The following RASAL2 variants were observed in gnomAD, a reference collection of about 807,000 sequenced individuals.
RASAL2 encodes the protein RAS protein activator like 2.
RASAL2 carries 58 observed loss-of-function variants against 128.9 expected under a neutral mutation model. The observed-to-expected ratio is 0.45, with a 90% CI of 0.36 to 0.56. RASAL2 has a LOEUF of 0.56. RASAL2 is among the 20% of genes least tolerant of loss of function. The pLI is 0.00. For synonymous variants in RASAL2, 561 were observed against 580.8 expected, an observed-to-expected ratio of 0.97 and a Z score of 0.49; for missense variants, 1,360 against 1,601.6, an observed-to-expected ratio of 0.85 and a Z score of 2.57.
At chr1:178,386,689 A>G (rs1391896289) in intron 3 of RASAL2, among the ~76,000 whole-genome samples, 1 of 152,190 alleles carries the variant, frequency 6.6e-6, no homozygotes, top group East Asian at 1.9e-4. Flanking sequence ...CTGAAACAAT[A>G]CTGTATCTCT....
chr1:178,396,635 G>T (rs1046781364), intron 4 of RASAL2, among the ~76,000 whole-genome samples: 2 of 151,880 alleles, frequency 1.3e-5, no homozygotes, highest in Non-Finnish European at 2.9e-5. Context: ...TAATACCCTT[G>T]GTGTGCCTTT....
chr1:178,465,492 A>T (rs1647579137), intron 15 of RASAL2, among the ~76,000 whole-genome samples: 2 of 152,184 alleles, frequency 1.3e-5, no homozygotes, highest in Non-Finnish European at 2.9e-5. Context: ...TCTTATAGAC[A>T]ACTGACTTTT....
chr1:178,248,557 A>G (rs1046228677), intron 1 of RASAL2, among the ~76,000 whole-genome samples: 1 of 152,144 alleles, frequency 6.6e-6, no homozygotes, highest in Admixed American at 6.5e-5. Flanking sequence ...TAAGGTTAAT[A>G]TCGTTAGTAT....
intron 3 of RASAL2, among the ~76,000 whole-genome samples, chr1:178,351,231 A>G (rs142339126): frequency 1.3e-3 from 205 of 152,326 alleles, no homozygotes; most frequent in African/African-American, 4.7e-3. Flanking sequence ...GGGCAGGGAT[A>G]CAGATCCAAA....
chr1:178,225,138 G>C (rs1663742069), intron 1 of RASAL2, among the ~76,000 whole-genome samples: 1 of 151,998 alleles, frequency 6.6e-6, no homozygotes, highest in South Asian at 2.1e-4. Context: ...GAGAGACTTA[G>C]TGAAGTTGGT....
intron 1 of RASAL2, among the ~76,000 whole-genome samples, chr1:178,126,890 A>C (rs1180858525): frequency 1.3e-5 from 2 of 152,190 alleles, no homozygotes; most frequent in Admixed American, 6.5e-5. Context: ...CTGCTGCCTC[A>C]TGACTTCTCT....
Position 178,240,911 on chromosome 1 carries a change from ATTATT to A in RASAL2, c.203-42646_203-42642del, listed in dbSNP as rs1221974594. Among the ~76,000 whole-genome samples, 5 of 151,254 alleles carry A rather than the reference ATTATT, an allele frequency of 3.3e-5. No individual in the cohort carries two copies. In the South Asian group the frequency reaches 1.0e-3, roughly 31 times the overall value. On this transcript the variant is annotated intron_variant, in intron 1 of 17. Coordinates refer to ENST00000367649, the MANE Select transcript of RASAL2 (RefSeq NM_170692.4). Reference sequence around the variant, plus strand: ...AAGGTTCCTTTTTATTTCTATTATAATTATTTTATTTATACATATTTTTATTTTTA... The same window carrying A: ...AAGGTTCCTTTTTATTTCTATTATAATTATTTATACATATTTTTATTTTTA...
At chr1:178,152,384 T>C (rs1660942341) in intron 1 of RASAL2, among the ~76,000 whole-genome samples, 1 of 152,182 alleles carries the variant, frequency 6.6e-6, no homozygotes, top group Non-Finnish European at 1.5e-5. Context: ...ATCGTAAATA[T>C]AAGTACAGTG....
intron 3 of RASAL2, among the ~76,000 whole-genome samples, chr1:178,306,332 A>G (rs1667988149): frequency 6.6e-6 from 1 of 152,078 alleles, no homozygotes; most frequent in Non-Finnish European, 1.5e-5. Context: ...AGTCTTTGCT[A>G]TTGTGAATAG....
At position 178,442,987 on chromosome 1, in the gene RASAL2, T is replaced by C; in HGVS notation, c.1240T>C (p.Trp414Arg). 6.2e-7 allele frequency: 1 copy of C among 1,614,052 alleles called. No individual in the cohort carries two copies. Among genetic ancestry groups the C allele is most frequent in the Non-Finnish European group, 8.5e-7 (1 of 1,179,960 alleles). Residue 414 changes from tryptophan (W) to arginine (R), a missense_variant, in exon 8 of 18, where the codon TGG becomes CGG. Coordinates refer to ENST00000367649, the MANE Select transcript of RASAL2 (RefSeq NM_170692.4). ...GACTGGTCGCCAATTTGTAGAAAAGTGGTATCCAGTGAGTACACCTACACC... is the reference window on the plus strand; with the variant it reads ...GACTGGTCGCCAATTTGTAGAAAAGCGGTATCCAGTGAGTACACCTACACC... The part of the protein sequence containing the change: ...SVTGRQFVEK[W>R]YPVSTPTPNK...
At chr1:178,468,916 A>G (rs1250435117) in intron 17 of RASAL2, among the ~76,000 whole-genome samples, 1 of 152,232 alleles carries the variant, frequency 6.6e-6, no homozygotes, top group Non-Finnish European at 1.5e-5. Context: ...AATATAAAGC[A>G]AGAAGAGTTC....
At chr1:178,308,947 A>G (rs1043199959) in intron 3 of RASAL2, among the ~76,000 whole-genome samples, 2 of 152,176 alleles carry the variant, frequency 1.3e-5, no homozygotes, top group African/African-American at 4.8e-5. Flanking sequence ...TGGTAATAGC[A>G]TTGGTAGACA....
chr1:178,356,799 T>C (rs1022750431), intron 3 of RASAL2, among the ~76,000 whole-genome samples: 2 of 152,186 alleles, frequency 1.3e-5, no homozygotes, highest in Non-Finnish European at 2.9e-5. Context: ...GCTATGGCGG[T>C]ATTATAATTC....
chr1:178,452,626 C>T lies in RASAL2; in HGVS notation c.1983C>T (p.Val661=). The T allele has an allele frequency of 6.2e-7, 1 of 1,613,802 alleles. No homozygotes were observed. The highest frequency in any genetic ancestry group is 8.5e-7 in the Non-Finnish European group (1 of 1,179,726). The change falls in exon 11 of 18, where the codon GTC becomes GTT. Residue 661 remains valine, a synonymous_variant. Coordinates refer to ENST00000367649, the MANE Select transcript of RASAL2 (RefSeq NM_170692.4). The stretch of plus-strand genomic sequence containing the variant: ...GGACTCTAACTCTTATTGCCAAGGT[C>T]ATTCAGAACCTGGCCAACTTTGCCA... The part of the protein sequence containing the change: ...TSRTLTLIAK[V]IQNLANFAKF...
chr1:178,319,207 T>C (rs375107684), intron 3 of RASAL2, among the ~76,000 whole-genome samples: 5 of 152,084 alleles, frequency 3.3e-5, no homozygotes, highest in African/African-American at 9.7e-5. Flanking sequence ...CCCAACCTTT[T>C]TCTCTGGCTG....
chr1:178,134,197 G>A (rs1660224997), intron 1 of RASAL2, among the ~76,000 whole-genome samples: 1 of 152,112 alleles, frequency 6.6e-6, no homozygotes, highest in Non-Finnish European at 1.5e-5. Context: ...TCATCTGAAG[G>A]CCTCTTTGGG....
intron 1 of RASAL2, among the ~76,000 whole-genome samples, chr1:178,195,330 C>CT (rs1460817783): frequency 5.3e-5 from 8 of 152,160 alleles, no homozygotes; most frequent in African/African-American, 1.4e-4. Context: ...ATTTAATTAA[C>CT]TGCATTTGAA....
chr1:178,338,105 G>C (rs1669686044), intron 3 of RASAL2, among the ~76,000 whole-genome samples: 1 of 151,436 alleles, frequency 6.6e-6, no homozygotes, highest in African/African-American at 2.4e-5. Context: ...TGCATTTATG[G>C]TTTCAGAATT....
intron 5 of RASAL2, among the ~76,000 whole-genome samples, chr1:178,438,145 GA>G (rs1676380419): frequency 7.5e-6 from 1 of 133,316 alleles, no homozygotes; most frequent in African/African-American, 2.8e-5. Context: ...TGTGTGTGTG[GA>G]AAGAAGAAGA....
Sources: gnomAD v4.1 joint callset for allele counts (sites outside exome capture counted in the v4.1 genomes callset) on GRCh38, gnomAD v4.1.1 for gene constraint, MANE v1.5 for transcripts, NCBI Gene and HGNC (gene_info 2026-07-23, HGNC 2026-07-21) for gene names.